LAMA1: variants seen among roughly 807,000 people sequenced by gnomAD.
LAMA1 encodes the protein laminin subunit alpha-1.
LAMA1 carries 219 observed loss-of-function variants against 348.7 expected under a neutral mutation model. The ratio of observed to expected loss-of-function variants is 0.63; its 90% CI spans 0.56 to 0.70. The LOEUF (loss-of-function observed/expected upper bound fraction) is 0.70. Among genes scored for constraint, LAMA1 ranks in the 30% least tolerant of loss-of-function variants. The probability of loss-of-function intolerance (pLI) is 0.00; values close to 1 mark genes in which losing one functional copy is unlikely to be tolerated. For synonymous variants in LAMA1, 1,487 were observed against 1,491.0 expected (o/e 1.00, Z 0.06); for missense variants, 3,744 against 3,888.0 (o/e 0.96, Z 0.99).
At chr18:7,086,275 C>T (rs777814120) in intron 1 of LAMA1, among the ~76,000 whole-genome samples, 1 of 152,188 alleles carries the variant, frequency 6.6e-6, no homozygotes, top group Non-Finnish European at 1.5e-5. Flanking sequence ...TATTTGAAAA[C>T]AGATTTGAGG....
At chr18:7,017,254 G>A (rs373135188) in intron 20 of LAMA1, 24 bp downstream of exon 20, 2 of 1,568,468 alleles carry the variant, frequency 1.3e-6, no homozygotes, top group Non-Finnish European at 1.8e-6. Flanking sequence ...AGGCTAAGGT[G>A]TCAATTAGTC....
At chr18:7,006,508 C>T (rs143573524) in intron 29 of LAMA1, among the ~76,000 whole-genome samples, 38 of 152,312 alleles carry the variant, frequency 2.5e-4, no homozygotes, top group South Asian at 1.0e-3. Flanking sequence ...ATTTTGACTA[C>T]GGCAACCAGT....
At position 6,956,715 on chromosome 18, in the gene LAMA1, GT is replaced by G; in HGVS notation, c.8014del (p.Thr2672ProfsTer70). On this transcript the variant is annotated frameshift_variant, in exon 56 of 63. Coordinates refer to ENST00000389658, the MANE Select transcript of LAMA1 (RefSeq NM_005559.4). LOFTEE classifies it high-confidence loss of function. ...AVGHEQVDLD[T>X]CWLSERPKLA... ...CTTAGGCCTTTCTGACAGCCAGCAGGTGTCCAGGTCGACTTGCTCATGGCCA... is the reference window on the plus strand; with the variant it reads ...CTTAGGCCTTTCTGACAGCCAGCAGGGTCCAGGTCGACTTGCTCATGGCCA... 1 of 1,614,198 alleles carries G rather than the reference GT, an allele frequency of 6.2e-7. No homozygotes were observed. Among genetic ancestry groups the G allele is most frequent in the Non-Finnish European group, 8.5e-7 (1 of 1,180,040 alleles).
intron 29 of LAMA1, among the ~76,000 whole-genome samples, chr18:7,006,480 C>T (rs553842928): frequency 9.8e-5 from 15 of 152,292 alleles, no homozygotes; most frequent in South Asian, 2.1e-4. Context: ...CAAACTTCAT[C>T]GTATACAGTT....
chr18:7,052,000 G>A (rs1181753102), intron 3 of LAMA1, among the ~76,000 whole-genome samples: 1 of 152,116 alleles, frequency 6.6e-6, no homozygotes, highest in African/African-American at 2.4e-5. Context: ...CACCACCATT[G>A]CCAAAACTTG....
At chr18:7,106,068 G>A (rs748264716) in intron 1 of LAMA1, among the ~76,000 whole-genome samples, 24 of 152,138 alleles carry the variant, frequency 1.6e-4, no homozygotes, top group Non-Finnish European at 2.1e-4. Context: ...GAGATGTGTG[G>A]GTGTTGTTAT....
intron 1 of LAMA1, among the ~76,000 whole-genome samples, chr18:7,081,062 T>G (rs1030989989): frequency 1.6e-4 from 24 of 152,002 alleles, no homozygotes; most frequent in African/African-American, 5.6e-4. Flanking sequence ...AAGGGAATGC[T>G]TATATACTGT....
chr18:7,011,890 A>G, intron 24 of LAMA1, 105 bp downstream of exon 24: 5 of 1,410,858 alleles, frequency 3.5e-6, no homozygotes, highest in East Asian at 5.0e-5. Context: ...TTTGGATGCC[A>G]TAAGAGCAAA....
chr18:7,073,108 C>G (rs1020537257), intron 3 of LAMA1, among the ~76,000 whole-genome samples: 7 of 152,184 alleles, frequency 4.6e-5, no homozygotes. Context: ...TTCCTGCTCC[C>G]TCTCCCAGCT....
At chr18:7,037,180 TG>T (rs1440366581) in intron 12 of LAMA1, among the ~76,000 whole-genome samples, 1 of 152,220 alleles carries the variant, frequency 6.6e-6, no homozygotes, top group African/African-American at 2.4e-5. Context: ...GAACCTTCCC[TG>T]GGTTGTTTCT....
chr18:7,087,464 G>A (rs536938056), intron 1 of LAMA1, among the ~76,000 whole-genome samples: 29 of 152,258 alleles, frequency 1.9e-4, no homozygotes, highest in Admixed American at 3.3e-4. Context: ...GCTTCCAGCC[G>A]ATGCCCATGG....
At chr18:7,055,513 A>G (rs2143735643) in intron 3 of LAMA1, among the ~76,000 whole-genome samples, 1 of 150,052 alleles carries the variant, frequency 6.7e-6, no homozygotes, top group East Asian at 2.0e-4. Context: ...ATATATGTGT[A>G]TGTCTTGGGA....
chr18:6,983,117 A>G lies in LAMA1; in HGVS notation c.5778T>C (p.Thr1926=). 1 of 1,614,126 alleles carries G rather than the reference A, an allele frequency of 6.2e-7. No homozygotes were observed. Among genetic ancestry groups the G allele is most frequent in the Non-Finnish European group, 8.5e-7 (1 of 1,180,030 alleles). The stretch of plus-strand genomic sequence containing the variant: ...TTCCTACCAGGCTCGTCTCAGTCAC[A>G]GTCCTGTGAGCATCTCTGGCCAGTT... The part of the protein sequence containing the change: ...SEELARDAHR[T]VTETSLLSES... The change falls in exon 40 of 63, where the codon ACT becomes ACC. Residue 1926 remains threonine, a synonymous_variant. Transcript: ENST00000389658.
rs993499053 is a variant in LAMA1, at chr18:7,034,183, A to G, written c.2051+296T>C. Among the ~76,000 whole-genome samples, 5 of 152,222 alleles carry G rather than the reference A, an allele frequency of 3.3e-5. No individual in the cohort carries two copies. The East Asian group carries it at 7.7e-4, about 23-fold the overall frequency. On this transcript the variant is annotated intron_variant, in intron 14 of 62. Coordinates refer to ENST00000389658, the MANE Select transcript of LAMA1 (RefSeq NM_005559.4). ...CATTAGGATGGTGAGAACCAGGTGC[A>G]ACATGGTCCAGACAATCGCTAACTC... is the stretch of plus-strand genomic sequence containing the variant.
At chr18:6,943,493 T>C (rs937709509) in intron 61 of LAMA1, 91 bp from the exon 62 acceptor site, 8 of 1,058,324 alleles carry the variant, frequency 7.6e-6, no homozygotes, top group Non-Finnish European at 1.2e-5. Context: ...TGCAGCATTA[T>C]GTTTAAAAGG....
chr18:7,102,523 G>T (rs1029752503), intron 1 of LAMA1, among the ~76,000 whole-genome samples: 4 of 152,158 alleles, frequency 2.6e-5, no homozygotes, highest in Non-Finnish European at 4.4e-5. Flanking sequence ...TTCTTTAAAA[G>T]GAGACTTCAT....
At chr18:6,993,447 T>C (rs939208031) in intron 35 of LAMA1, among the ~76,000 whole-genome samples, 194 bp downstream of exon 35, 1 of 152,168 alleles carries the variant, frequency 6.6e-6, no homozygotes, top group Non-Finnish European at 1.5e-5. Context: ...AAAAGAAATA[T>C]GCATTTTTTT....
intron 1 of LAMA1, among the ~76,000 whole-genome samples, chr18:7,086,406 T>C (rs1394229341): frequency 6.6e-6 from 1 of 152,160 alleles, no homozygotes; most frequent in Non-Finnish European, 1.5e-5. Flanking sequence ...TTTAGATCCA[T>C]TTCAATTTCC....
chr18:7,041,394 ATCG>A (rs34050227), intron 9 of LAMA1, among the ~76,000 whole-genome samples: 46,146 of 151,822 alleles, frequency 0.3, 9,218 homozygotes, highest in African/African-American at 0.57. Context: ...CATTATTATC[ATCG>A]TCATCATCCC....
Sources: gnomAD v4.1 joint callset for allele counts (sites outside exome capture counted in the v4.1 genomes callset) on GRCh38, gnomAD v4.1.1 for gene constraint, MANE v1.5 for transcripts, NCBI Gene and HGNC (gene_info 2026-07-23, HGNC 2026-07-21) for gene names.